Variants in MTRF1 observed in about 807,000 individuals in gnomAD.
The protein encoded by MTRF1 is mitochondrial translation release factor 1, also known as peptide chain release factor 1, mitochondrial.
A neutral mutation model predicts 62.9 loss-of-function variants in MTRF1; 51 were observed. That is an observed-to-expected ratio of 0.81 (90% CI 0.65 to 1.02). The LOEUF is 1.02. Ranked by LOEUF, MTRF1 falls within the 50% of genes least tolerant of loss-of-function variation. The pLI is 0.00. For synonymous variants in MTRF1, 158 were observed against 181.9 expected, an observed-to-expected ratio of 0.87 and a Z score of 1.06; for missense variants, 446 against 530.0, an observed-to-expected ratio of 0.84 and a Z score of 1.56.
chr13:41,218,056 G>A (rs1007827755), intron 9 of MTRF1, among the ~76,000 whole-genome samples: 1 of 152,094 alleles, frequency 6.6e-6, no homozygotes, highest in Non-Finnish European at 1.5e-5. Context: ...GGAAAGAGAA[G>A]GAAAATACAG....
chr13:41,277,297 A>AT, the MTRF1 span, among the ~76,000 whole-genome samples: 3 of 151,590 alleles, frequency 2.0e-5, no homozygotes, highest in South Asian at 2.1e-4. Flanking sequence ...ACACCCAGCT[A>AT]TTTTTTTTAT....
chr13:41,311,238 C>T, the MTRF1 span: 1 of 518,796 alleles, frequency 1.9e-6, no homozygotes, highest in East Asian at 3.5e-5. Flanking sequence ...CAGGATCCGG[C>T]TCGGGAGGCG....
chr13:41,310,315 C>T, the MTRF1 span, among the ~76,000 whole-genome samples: 1 of 152,130 alleles, frequency 6.6e-6, no homozygotes, highest in African/African-American at 2.4e-5. Context: ...ATATGGCTTT[C>T]AGGAAGGGGA....
chr13:41,220,364 T>C (rs923786483), intron 9 of MTRF1, among the ~76,000 whole-genome samples: 34 of 146,826 alleles, frequency 2.3e-4, no homozygotes, highest in African/African-American at 6.3e-4. Context: ...ACAAAGTACA[T>C]TTAAATCTCT....
intron 9 of MTRF1, 119 bp downstream of exon 9, chr13:41,223,137 G>T: frequency 1.6e-6 from 1 of 613,402 alleles, no homozygotes; most frequent in Non-Finnish European, 2.6e-6. Context: ...GTGGCTTAAT[G>T]ATTTAAATTA....
chr13:41,246,288 C>G (rs544284161), intron 5 of MTRF1, among the ~76,000 whole-genome samples: 2 of 152,018 alleles, frequency 1.3e-5, no homozygotes, highest in East Asian at 3.9e-4. Context: ...TGAATGCTGT[C>G]AATGCTATCC....
intron 5 of MTRF1, among the ~76,000 whole-genome samples, chr13:41,251,054 A>C (rs961444356): frequency 2.6e-5 from 4 of 152,166 alleles, no homozygotes; most frequent in Admixed American, 2.6e-4. Flanking sequence ...TTAGTTACTT[A>C]CTCTCTGAGC....
chr13:41,227,307 A>G (rs1399242859), intron 7 of MTRF1, among the ~76,000 whole-genome samples: 1 of 152,062 alleles, frequency 6.6e-6, no homozygotes, highest in Non-Finnish European at 1.5e-5. Context: ...AACCAAAAAA[A>G]AAAAAACTTT....
chr13:41,270,674 G>T, the MTRF1 span, among the ~76,000 whole-genome samples: 21 of 152,194 alleles, frequency 1.4e-4, no homozygotes, highest in African/African-American at 4.6e-4. Flanking sequence ...AAATTAAAAT[G>T]AATGTAATTG....
chr13:41,218,240 C>T (rs947680138), intron 9 of MTRF1, among the ~76,000 whole-genome samples: 18 of 151,262 alleles, frequency 1.2e-4, no homozygotes, highest in Non-Finnish European at 2.2e-4. Context: ...CTTAGCTTCC[C>T]GAGTAGCTGG....
intron 7 of MTRF1, among the ~76,000 whole-genome samples, chr13:41,228,286 G>C (rs1261870341): frequency 6.6e-6 from 1 of 152,122 alleles, no homozygotes; most frequent in Non-Finnish European, 1.5e-5. Flanking sequence ...ATAGAAGGGG[G>C]CTGGGCACGA....
At chr13:41,243,380 G>A (rs1438065672) in intron 5 of MTRF1, among the ~76,000 whole-genome samples, 2 of 148,880 alleles carry the variant, frequency 1.3e-5, no homozygotes, top group African/African-American at 5.0e-5. Flanking sequence ...CCTCCAGCCT[G>A]GGAGACAGAG....
chr13:41,222,085 A>G (rs2033486280), intron 9 of MTRF1, among the ~76,000 whole-genome samples: 1 of 152,144 alleles, frequency 6.6e-6, no homozygotes. Flanking sequence ...TTGTAAAACT[A>G]GGACTTTAAT....
At chr13:41,248,931 T>G (rs1184539477) in intron 5 of MTRF1, among the ~76,000 whole-genome samples, 1 of 152,190 alleles carries the variant, frequency 6.6e-6, no homozygotes, top group African/African-American at 2.4e-5. Context: ...TAGACTATCT[T>G]GTTATCATTT....
intron 2 of MTRF1, among the ~76,000 whole-genome samples, chr13:41,254,980 T>C (rs574517902): frequency 2.6e-5 from 4 of 152,290 alleles, no homozygotes; most frequent in Admixed American, 1.3e-4. Flanking sequence ...TCTATAATTA[T>C]ATAAATTGGT....
At chr13:41,244,171 C>T (rs910259598) in intron 5 of MTRF1, among the ~76,000 whole-genome samples, 35 of 152,104 alleles carry the variant, frequency 2.3e-4, no homozygotes, top group Admixed American at 2.3e-3. Context: ...ACAAATTGTT[C>T]CCTTCACATT....
In MTRF1 at chr13:41,260,490, T is replaced by C. The variant is rs2040327097; in HGVS notation, c.415+3A>G. Reference sequence around the variant, plus strand: ...GCAGGACACATAAGTATCTTTTACCTACTTTTACACATTGATTCTAATTCT... The same window carrying C: ...GCAGGACACATAAGTATCTTTTACCCACTTTTACACATTGATTCTAATTCT... On this transcript the variant is annotated splice_donor_region_variant and intron_variant, in intron 2 of 9. Transcript: ENST00000379480. 2 of 1,608,286 alleles carry C rather than the reference T, an allele frequency of 1.2e-6. No individual in the cohort carries two copies. The highest frequency in any genetic ancestry group is 1.7e-6 in the Non-Finnish European group (2 of 1,176,502).
At chr13:41,236,454 G>A (rs1806623602) in intron 6 of MTRF1, 1 of 152,136 alleles carries the variant, frequency 6.6e-6, no homozygotes, top group African/African-American at 2.4e-5. Context: ...CTAACATTTT[G>A]TTCCACATTC....
the MTRF1 span, among the ~76,000 whole-genome samples, chr13:41,302,258 G>A: frequency 6.6e-6 from 1 of 152,032 alleles, no homozygotes; most frequent in Non-Finnish European, 1.5e-5. Flanking sequence ...TCGAACTCCT[G>A]ATCTCAGGTG....
Sources: gnomAD v4.1 joint callset for allele counts (sites outside exome capture counted in the v4.1 genomes callset) on GRCh38, gnomAD v4.1.1 for gene constraint, MANE v1.5 for transcripts, NCBI Gene and HGNC (gene_info 2026-07-23, HGNC 2026-07-21) for gene names.